Variants in MYO3B observed in about 807,000 individuals in gnomAD.
MYO3B encodes the protein myosin-IIIb.
MYO3B carries 156 observed loss-of-function variants against 174.6 expected under a neutral mutation model. The ratio of observed to expected loss-of-function variants is 0.89; its 90% confidence interval spans 0.78 to 1.02. MYO3B has a LOEUF of 1.02. Ranked by LOEUF, MYO3B falls within the 50% of genes least tolerant of loss-of-function variation. The pLI is 0.00. For synonymous variants in MYO3B, 563 were observed against 569.1 expected (o/e 0.99, Z 0.15); for missense variants, 1,632 against 1,639.4 (o/e 1.00, Z 0.08).
chr2:170,382,167 G>A (rs2094340756), intron 10 of MYO3B, 55 bp downstream of exon 10: 1 of 1,444,634 alleles, frequency 6.9e-7, no homozygotes, highest in South Asian at 1.2e-5. Flanking sequence ...CATGTGAATG[G>A]TCTGAACTTT....
chr2:170,388,067 T>C (rs947790663), intron 14 of MYO3B, among the ~76,000 whole-genome samples: 1 of 151,862 alleles, frequency 6.6e-6, no homozygotes, highest in Admixed American at 6.6e-5. Context: ...TTATAATTGT[T>C]AATAATAATA....
At chr2:170,379,006 T>C (rs2094314940) in intron 9 of MYO3B, among the ~76,000 whole-genome samples, 2 of 152,206 alleles carry the variant, frequency 1.3e-5, no homozygotes, top group African/African-American at 2.4e-5. Context: ...TATTTAGTTG[T>C]CTTCAGTGAG....
At chr2:170,190,413 T>C (rs1297929565) in intron 1 of MYO3B, among the ~76,000 whole-genome samples, 9 of 152,144 alleles carry the variant, frequency 5.9e-5, no homozygotes, top group African/African-American at 2.2e-4. Context: ...TGAAGCCAGC[T>C]AGGTTTGTGT....
chr2:170,312,804 T>C (rs752748570), intron 7 of MYO3B, among the ~76,000 whole-genome samples: 1 of 152,170 alleles, frequency 6.6e-6, no homozygotes, highest in African/African-American at 2.4e-5. Flanking sequence ...CTACGTACAA[T>C]TTTGGGGGCA....
chr2:170,593,808 G>A (rs1437914967), intron 32 of MYO3B, among the ~76,000 whole-genome samples: 1 of 152,144 alleles, frequency 6.6e-6, no homozygotes, highest in Admixed American at 6.5e-5. Flanking sequence ...TCTCTATGAT[G>A]TGCACCTTAG....
intron 25 of MYO3B, among the ~76,000 whole-genome samples, chr2:170,494,727 CAAAAAAA>C (rs3066990): frequency 7.3e-4 from 67 of 92,052 alleles, no homozygotes; most frequent in Non-Finnish European, 1.1e-3. Flanking sequence ...AACTGCGTCT[CAAAAAAA>C]AAAAAAAAAA....
At chr2:170,341,319 A>C (rs889043107) in intron 8 of MYO3B, 1 of 152,222 alleles carries the variant, frequency 6.6e-6, no homozygotes, top group Non-Finnish European at 1.5e-5. Flanking sequence ...GTCAATGAAC[A>C]ACACACTTGC....
intron 3 of MYO3B, among the ~76,000 whole-genome samples, chr2:170,208,433 C>G (rs2092737019): frequency 6.6e-6 from 1 of 152,152 alleles, no homozygotes; most frequent in African/African-American, 2.4e-5. Context: ...GTCTTACTTT[C>G]CCCAGAAGAA....
At chr2:170,324,104 C>T (rs904536403) in intron 7 of MYO3B, among the ~76,000 whole-genome samples, 13 of 152,066 alleles carry the variant, frequency 8.5e-5, no homozygotes, top group African/African-American at 2.2e-4. Context: ...AGAGGCAGAG[C>T]GACAGGAAAG....
intron 7 of MYO3B, among the ~76,000 whole-genome samples, chr2:170,294,103 G>A (rs546807933): frequency 1.3e-4 from 20 of 151,952 alleles, no homozygotes; most frequent in South Asian, 6.2e-4. Context: ...TATCTGTTTC[G>A]TCTTACCTAG....
intron 32 of MYO3B, among the ~76,000 whole-genome samples, chr2:170,571,775 A>G (rs1692453960): frequency 6.6e-6 from 1 of 152,100 alleles, no homozygotes. Context: ...GTGGGGAGTA[A>G]TAGAGGGAGG....
At chr2:170,329,102 A>G (rs1206482824) in intron 7 of MYO3B, among the ~76,000 whole-genome samples, 1 of 151,948 alleles carries the variant, frequency 6.6e-6, no homozygotes, top group Non-Finnish European at 1.5e-5. Flanking sequence ...CAGTGAGCCA[A>G]GATCGCTCCA....
In MYO3B at chr2:170,499,768, CAGAG is replaced by C; in HGVS notation, c.3253_3256del (p.Glu1085ArgfsTer25). On this transcript the variant is annotated frameshift_variant, in exon 27 of 35. Coordinates refer to ENST00000408978, the MANE Select transcript of MYO3B (RefSeq NM_138995.5). LOFTEE classifies it high-confidence loss of function. ...TTGGAGCCAGGAGATACAAAAGGGTCAGAGAGAAGAGAGAGAAGGGAGCCATTGC... is the reference window on the plus strand; with the variant it reads ...TTGGAGCCAGGAGATACAAAAGGGTCAGAAGAGAGAGAAGGGAGCCATTGC... 6.2e-7 allele frequency: 1 copy of C among 1,613,952 alleles called. No homozygotes were observed. Among genetic ancestry groups the C allele is most frequent in the Non-Finnish European group, 8.5e-7 (1 of 1,179,932 alleles).
chr2:170,327,122 C>T (rs1466364111), intron 7 of MYO3B, among the ~76,000 whole-genome samples: 2 of 152,234 alleles, frequency 1.3e-5, no homozygotes, highest in Non-Finnish European at 1.5e-5. Context: ...TGTGGTGGCT[C>T]ACGCCTGTAA....
chr2:170,221,098 G>A (rs929943478), intron 6 of MYO3B, among the ~76,000 whole-genome samples: 2 of 152,106 alleles, frequency 1.3e-5, no homozygotes, highest in Non-Finnish European at 2.9e-5. Context: ...AACAGTCCTT[G>A]AAAGTATAAT....
intron 7 of MYO3B, among the ~76,000 whole-genome samples, chr2:170,322,252 C>G (rs1425547006): frequency 2.6e-5 from 4 of 152,106 alleles, no homozygotes; most frequent in African/African-American, 9.7e-5. Context: ...ATCTATTAGT[C>G]TCCAGTATCC....
chr2:170,473,029 G>C (rs1008597453), intron 25 of MYO3B, among the ~76,000 whole-genome samples: 2 of 151,840 alleles, frequency 1.3e-5, no homozygotes, highest in African/African-American at 4.8e-5. Flanking sequence ...TGTATTGTCC[G>C]ATGCAGTGCC....
At chr2:170,465,310 C>T (rs1021273510) in intron 24 of MYO3B, among the ~76,000 whole-genome samples, 2 of 152,072 alleles carry the variant, frequency 1.3e-5, no homozygotes, top group African/African-American at 4.8e-5. Context: ...TGTTACATGG[C>T]AAGAGAGGGA....
chr2:170,444,075 T>TA (rs2094822544), intron 23 of MYO3B, 29 bp downstream of exon 23: 1 of 1,584,014 alleles, frequency 6.3e-7, no homozygotes. Context: ...CCAAATATAG[T>TA]ATGGACTGGC....
Sources: gnomAD v4.1 joint callset for allele counts (sites outside exome capture counted in the v4.1 genomes callset) on GRCh38, gnomAD v4.1.1 for gene constraint, MANE v1.5 for transcripts, NCBI Gene and HGNC (gene_info 2026-07-23, HGNC 2026-07-21) for gene names.